GAK: variants seen among roughly 807,000 people sequenced by gnomAD.
The protein encoded by GAK is cyclin G associated kinase, also known as cyclin-G-associated kinase.
GAK carries 79 observed loss-of-function variants against 143.9 expected under a neutral mutation model. The observed-to-expected ratio is 0.55, with a 90% CI of 0.46 to 0.66. The LOEUF is 0.66. Among genes scored for constraint, GAK ranks in the 30% least tolerant of loss-of-function variants. The probability of loss-of-function intolerance (pLI) is 0.00; values close to 1 mark genes in which losing one functional copy is unlikely to be tolerated. For missense variants in GAK, 1,693 were observed against 1,779.7 expected, an observed-to-expected ratio of 0.95 and a Z score of 0.88; for synonymous variants, 881 against 765.5, an observed-to-expected ratio of 1.15 and a Z score of -2.49.
At chr4:868,708 GGGCACT>G (rs939076191) in intron 19 of GAK, 23 bp from the exon 20 acceptor site, 8 of 1,544,502 alleles carry the variant, frequency 5.2e-6, no homozygotes, top group African/African-American at 4.1e-5. Context: ...GAGGGCGTCA[GGGCACT>G]GGCACTGGCC....
chr4:871,638 G>A (rs924257469), intron 18 of GAK, among the ~76,000 whole-genome samples: 1 of 151,052 alleles, frequency 6.6e-6, no homozygotes, highest in Non-Finnish European at 1.5e-5. Flanking sequence ...GGTGTCGGCC[G>A]TGCGGGTGGG....
intron 15 of GAK, among the ~76,000 whole-genome samples, chr4:880,181 A>T (rs1459244610): frequency 1.3e-5 from 2 of 151,114 alleles, no homozygotes; most frequent in Non-Finnish European, 2.9e-5. Flanking sequence ...ACCCTGCATG[A>T]GGGTCCTCTC....
intron 19 of GAK, chr4:869,879 GCA>G (rs1001122551): frequency 7.2e-6 from 1 of 139,138 alleles, no homozygotes; most frequent in African/African-American, 2.8e-5. Context: ...ATGAATGCAC[GCA>G]CACAGATGCA....
intron 23 of GAK, among the ~76,000 whole-genome samples, chr4:863,587 C>T (rs1750657397): frequency 6.6e-6 from 1 of 152,244 alleles, no homozygotes. Flanking sequence ...CTTCAGGAAT[C>T]AGCACCCTGA....
chr4:903,544 G>C (rs1172520649), intron 5 of GAK, among the ~76,000 whole-genome samples: 1 of 152,194 alleles, frequency 6.6e-6, no homozygotes, highest in Non-Finnish European at 1.5e-5. Flanking sequence ...AAGGGGCACT[G>C]GGTGAGCAGG....
intron 5 of GAK, among the ~76,000 whole-genome samples, chr4:902,728 T>TA (rs1028870011): frequency 5.9e-5 from 9 of 151,632 alleles, no homozygotes; most frequent in African/African-American, 1.9e-4. Flanking sequence ...CTAGGTTTTT[T>TA]AAAAAACACA....
intron 5 of GAK, among the ~76,000 whole-genome samples, chr4:901,454 G>C (rs1038669517): frequency 1.3e-5 from 2 of 152,228 alleles, no homozygotes; most frequent in African/African-American, 2.4e-5. Context: ...GGGCTCTGAG[G>C]CCTCCTAGGC....
At chr4:860,001 T>C (rs1749986349) in intron 23 of GAK, among the ~76,000 whole-genome samples, 1 of 152,234 alleles carries the variant, frequency 6.6e-6, no homozygotes, top group Non-Finnish European at 1.5e-5. Context: ...GCAGTACCAC[T>C]TTCTGGAATC....
chr4:889,513 G>A (rs996433176), intron 10 of GAK, among the ~76,000 whole-genome samples: 4 of 152,142 alleles, frequency 2.6e-5, no homozygotes, highest in African/African-American at 7.2e-5. Context: ...GCACCGAGCA[G>A]ATGGGGGCAC....
intron 9 of GAK, 112 bp downstream of exon 9, chr4:893,265 C>T (rs1718030967): frequency 2.8e-6 from 2 of 711,618 alleles, no homozygotes; most frequent in Non-Finnish European, 4.4e-6. Flanking sequence ...CTCCCTTCTG[C>T]AGGGGATCTG....
intron 15 of GAK, among the ~76,000 whole-genome samples, chr4:879,236 G>A (rs942922575): frequency 3.9e-5 from 6 of 152,266 alleles, no homozygotes; most frequent in Admixed American, 2.0e-4. Flanking sequence ...CTCTGCCTCC[G>A]TGCTGAAAGA....
chr4:895,306 C>T (rs1048541106), intron 7 of GAK, among the ~76,000 whole-genome samples: 3 of 152,242 alleles, frequency 2.0e-5, no homozygotes, highest in Non-Finnish European at 4.4e-5. Flanking sequence ...AGAGAAGGGA[C>T]TGGTGATTAC....
At chr4:893,346 G>A (rs749706880) in intron 9 of GAK, 31 bp downstream of exon 9, 35 of 1,451,426 alleles carry the variant, frequency 2.4e-5, no homozygotes, top group Non-Finnish European at 3.1e-5. Flanking sequence ...ACCACTGCGG[G>A]GGATTTGGGG....
chr4:893,329 CT>C (rs1476872029), intron 9 of GAK, 47 bp downstream of exon 9: 1 of 1,346,472 alleles, frequency 7.4e-7, no homozygotes, highest in African/African-American at 1.5e-5. Flanking sequence ...TCATGTGTGC[CT>C]CCTTCACCAC....
At chr4:883,783 G>A (rs917258303) in intron 12 of GAK, among the ~76,000 whole-genome samples, 1 of 152,236 alleles carries the variant, frequency 6.6e-6, no homozygotes, top group African/African-American at 2.4e-5. Context: ...CCACGGACAC[G>A]GCCTTGTGTT....
chr4:914,762 C>T (rs1722791629), intron 1 of GAK, among the ~76,000 whole-genome samples: 1 of 124,542 alleles, frequency 8.0e-6, no homozygotes, highest in Admixed American at 8.2e-5. Context: ...ACAGCCCCAG[C>T]ATACACGGCC....
chr4:861,850 T>C (rs899411937), intron 23 of GAK, among the ~76,000 whole-genome samples: 13 of 152,318 alleles, frequency 8.5e-5, no homozygotes, highest in African/African-American at 3.1e-4. Context: ...AACATCCTCC[T>C]AAGCCAAAGC....
intron 23 of GAK, among the ~76,000 whole-genome samples, chr4:861,670 C>A (rs1055750892): frequency 7.2e-5 from 11 of 152,208 alleles, no homozygotes; most frequent in Admixed American, 2.6e-4. Flanking sequence ...GGAAAAGTTC[C>A]TGAAGGAAAT....
chr4:874,121 CTGTG>C (rs144267254), intron 18 of GAK, among the ~76,000 whole-genome samples: 14 of 151,962 alleles, frequency 9.2e-5, no homozygotes, highest in South Asian at 2.1e-4. Flanking sequence ...CCCTCCTCGG[CTGTG>C]TGTGTGTGTG....
Sources: allele counts gnomAD v4.1 joint callset (sites outside exome capture counted in the v4.1 genomes callset), GRCh38; gene constraint gnomAD v4.1.1; transcripts MANE v1.5; gene names NCBI Gene and HGNC (gene_info 2026-07-23, HGNC 2026-07-21).